Variants in CEP95 observed in about 807,000 individuals in gnomAD.
CEP95 encodes the protein centrosomal protein of 95 kDa.
CEP95 carries 98 observed loss-of-function variants against 111.2 expected under a neutral mutation model. That is an observed-to-expected ratio of 0.88 (90% CI 0.75 to 1.04). The LOEUF (loss-of-function observed/expected upper bound fraction) is 1.04, where lower values mean the gene tolerates loss of function less well. CEP95 is among the 50% of genes least tolerant of loss of function. The pLI is 0.00. For missense variants in CEP95, 1,027 were observed against 977.2 expected, an observed-to-expected ratio of 1.05 and a Z score of -0.68; for synonymous variants, 323 against 327.1, an observed-to-expected ratio of 0.99 and a Z score of 0.14.
chr17:64,530,542 C>T (rs1555680049), intron 12 of CEP95, among the ~76,000 whole-genome samples: 1 of 135,484 alleles, frequency 7.4e-6, no homozygotes, highest in Non-Finnish European at 1.5e-5. Context: ...GAGATTCACT[C>T]TTGCCGCCCA....
chr17:64,523,354 T>G (rs1324459696), intron 8 of CEP95, among the ~76,000 whole-genome samples: 2 of 152,176 alleles, frequency 1.3e-5, no homozygotes, highest in Admixed American at 1.3e-4. Flanking sequence ...GGATTTGAAC[T>G]TGGACATTCT....
chr17:64,509,926 A>G (rs1431517285), intron 2 of CEP95, among the ~76,000 whole-genome samples: 1 of 151,912 alleles, frequency 6.6e-6, no homozygotes, highest in African/African-American at 2.4e-5. Flanking sequence ...TATATGGTGT[A>G]ATAAATATTC....
chr17:64,524,610 C>T (rs1481980029), intron 8 of CEP95, among the ~76,000 whole-genome samples: 1 of 152,096 alleles, frequency 6.6e-6, no homozygotes, highest in Admixed American at 6.5e-5. Context: ...CATACCCAGC[C>T]TACTAAAGGG....
At chr17:64,525,749 C>CT (rs528883278) in intron 8 of CEP95, 21 bp from the exon 9 acceptor site, 61 of 1,519,346 alleles carry the variant, frequency 4.0e-5, no homozygotes, top group Non-Finnish European at 5.3e-5. Context: ...TTCAAATCAA[C>CT]TTTTTTTCTG....
chr17:64,531,667 T>G (rs566727401), intron 13 of CEP95, among the ~76,000 whole-genome samples: 2 of 152,154 alleles, frequency 1.3e-5, no homozygotes, highest in Non-Finnish European at 2.9e-5. Flanking sequence ...TCAGTGCTTT[T>G]TCAAATTCCA....
At position 64,519,348 on chromosome 17, in the gene CEP95, C is replaced by G. The variant is rs1555677143; in HGVS notation, c.501C>G (p.Gly167=). The change falls in exon 6 of 20, where the codon GGC becomes GGG. Residue 167 remains glycine (G), a synonymous_variant. Coordinates refer to ENST00000556440, the MANE Select transcript of CEP95 (RefSeq NM_138363.3). ...GRCSLSSEML[G]PSWDGDEAES... ...GCTCCTTGTCTTCTGAGATGTTGGGCCCCTCTTGGGATGGAGATGAAGCAG... is the reference window on the plus strand; with the variant it reads ...GCTCCTTGTCTTCTGAGATGTTGGGGCCCTCTTGGGATGGAGATGAAGCAG... The G allele has an allele frequency of 1.9e-6, 3 of 1,613,476 alleles. No homozygotes were observed. The highest frequency in any genetic ancestry group is 2.7e-5 in the African/African-American group (2 of 74,896).
chr17:64,529,520 TA>T lies in CEP95; in HGVS notation c.1446+97del. ...CATGAACATGCTGTTGATTTAGGCT[TA>T]AAATACATTTAATATTCTTGAGCGG... On this transcript the variant is annotated intron_variant, in intron 12 of 19. Transcript: ENST00000556440. 3 of 1,283,882 alleles carry T rather than the reference TA, an allele frequency of 2.3e-6. No individual in the cohort carries two copies. In the South Asian group the frequency reaches 4.1e-5, roughly 18 times the overall value. The allele number at this position is 1,283,882 out of a possible 1,614,324, so 79.5% of individuals were successfully genotyped here.
chr17:64,518,764 T>G (rs1170911535), intron 5 of CEP95, among the ~76,000 whole-genome samples: 1 of 152,054 alleles, frequency 6.6e-6, no homozygotes, highest in African/African-American at 2.4e-5. Flanking sequence ...CACTGCAACC[T>G]CTGCCTCCCA....
At chr17:64,510,963 C>T (rs1453262144) in intron 3 of CEP95, among the ~76,000 whole-genome samples, 1 of 152,150 alleles carries the variant, frequency 6.6e-6, no homozygotes, top group Non-Finnish European at 1.5e-5. Flanking sequence ...TAAAGCTGGG[C>T]GTCTGGGGGA....
At chr17:64,525,703 A>C (rs1404540394) in intron 8 of CEP95, 67 bp from the exon 9 acceptor site, 13 of 1,002,030 alleles carry the variant, frequency 1.3e-5, no homozygotes, top group Non-Finnish European at 1.9e-5. Flanking sequence ...TCCCTTCCTC[A>C]CTCCCAGAAA....
rs782508871 is a variant in CEP95 at position 64,532,979 on chromosome 17, A to G, written c.1813A>G (p.Asn605Asp). The change falls in exon 15 of 20, where the codon AAT (asparagine) becomes GAT (aspartate). Residue 605 changes from asparagine to aspartate, a missense_variant. By Grantham distance (23) the Asn-to-Asp change is conservative (BLOSUM62 1). Transcript: ENST00000556440. The part of the protein sequence containing the change: ...EQLKKEACRE[N>D]RSKKKLQDEI... ...GCTTAAGAAAGAAGCATGTAGAGAA[A>G]ATCGATCAAAGAAGAAACTCCAAGA... The G allele has an allele frequency of 1.9e-6, 3 of 1,612,184 alleles. No individual in the cohort carries two copies. Among genetic ancestry groups the G allele is most frequent in the Admixed American group, 1.7e-5 (1 of 59,536 alleles).
rs2038577695 is a variant in CEP95, at chr17:64,507,047, C to G, written c.-51C>G. ...TGCGTGGATCGGTCCTTCCAGGACA[C>G]CGTCGCCTTCCCGGCCGCGTCGGAG... On this transcript the variant is annotated 5_prime_UTR_variant, in exon 1 of 20. Transcript: ENST00000556440. The G allele has an allele frequency of 6.5e-7, 1 of 1,549,956 alleles. No homozygotes were observed. The highest frequency in any genetic ancestry group is 8.7e-7 in the Non-Finnish European group (1 of 1,146,394).
At chr17:64,529,967 G>A (rs1175233185) in intron 12 of CEP95, among the ~76,000 whole-genome samples, 4 of 152,172 alleles carry the variant, frequency 2.6e-5, no homozygotes, top group African/African-American at 9.7e-5. Context: ...AACCAATTCA[G>A]ACATCTTACA....
At chr17:64,533,216 T>C (rs1555680825) in intron 16 of CEP95, 25 bp downstream of exon 16, 1 of 1,553,046 alleles carries the variant, frequency 6.4e-7, no homozygotes, top group Non-Finnish European at 8.7e-7. Context: ...AGTTGGGTAT[T>C]ATAATTCTGA....
In CEP95 at chr17:64,534,753, C is replaced by G. The variant is rs782359972; in HGVS notation, c.2070+16C>G. On this transcript the variant is annotated intron_variant, in intron 17 of 19. Coordinates refer to ENST00000556440, the MANE Select transcript of CEP95 (RefSeq NM_138363.3). ...GGAAGAAATGGTAAGTCTGACTTTT[C>G]TGTCCAGCCCTGTTAAGAAGGTGAA... 8.1e-6 allele frequency: 13 copies of G among 1,604,280 alleles called. No homozygotes were observed. The African/African-American group carries it at 1.5e-4, about 18-fold the overall frequency.
In CEP95 at chr17:64,522,493, A is replaced by T. The variant is rs200581830; in HGVS notation, c.716-209A>T. ...CTCATCTCTACTTTTTTTAAAAATTAAAAAAAAAAAATTACATCCTAATTT... is the reference window on the plus strand; with the variant it reads ...CTCATCTCTACTTTTTTTAAAAATTTAAAAAAAAAAATTACATCCTAATTT... On this transcript the variant is annotated intron_variant, in intron 7 of 19. Transcript: ENST00000556440. Among the ~76,000 whole-genome samples the T allele has an allele frequency of 4.8e-4, 70 of 147,046 alleles. No individual in the cohort carries two copies. In the East Asian group the frequency reaches 0.012, roughly 26 times the overall value.
In CEP95 at chr17:64,516,762, A is replaced by G; in HGVS notation, c.407A>G (p.Glu136Gly). 6.2e-7 allele frequency: 1 copy of G among 1,612,744 alleles called. No individual in the cohort carries two copies. Among genetic ancestry groups the G allele is most frequent in the African/African-American group, 1.3e-5 (1 of 74,986 alleles). ...TATTTTAAAGAATCTGATCGAGGAG[A>G]ACGTTTGGAAGAGCCAGAAAGTACT... ...EQYFKESDRG[E>G]RLEEPESTKE... is the part of the protein sequence containing the mutation. The change falls in exon 5 of 20, where the codon GAA becomes GGA. Residue 136 changes from glutamate to glycine, a missense_variant. Transcript: ENST00000556440.
chr17:64,522,925 T>C, intron 8 of CEP95, 30 bp downstream of exon 8: 1 of 1,538,072 alleles, frequency 6.5e-7, no homozygotes, highest in Middle Eastern at 2.2e-4. Context: ...TTCAGTTGGC[T>C]AGAAGTACAC....
In CEP95 at chr17:64,510,279, A is replaced by G. The variant is rs1555674529; in HGVS notation, c.255A>G (p.Thr85=). The part of the protein sequence containing the change: ...DYLQVSLSHI[T]GENIVKGDKE... ...TGCAGGTCAGCTTGTCTCACATAAC[A>G]GGTTGGTATATGTATAACTATCACA... Residue 85 remains threonine, a splice_region_variant and synonymous_variant, in exon 3 of 20, where the codon ACA becomes ACG. Coordinates refer to ENST00000556440, the MANE Select transcript of CEP95 (RefSeq NM_138363.3). 4.5e-6 allele frequency: 7 copies of G among 1,545,746 alleles called. No individual in the cohort carries two copies. In the South Asian group the frequency reaches 6.8e-5, roughly 15 times the overall value.
Sources: allele counts gnomAD v4.1 joint callset (sites outside exome capture counted in the v4.1 genomes callset), GRCh38; gene constraint gnomAD v4.1.1; transcripts MANE v1.5; gene names NCBI Gene and HGNC (gene_info 2026-07-23, HGNC 2026-07-21).